The following ZNF676 variants were observed in gnomAD, a reference collection of about 807,000 sequenced individuals.
ZNF676 encodes the protein zinc finger protein 676.
ZNF676 carries 4 observed loss-of-function variants against 6.0 expected under a neutral mutation model. The observed-to-expected ratio is 0.67, with a 90% CI of 0.33 to 1.53. ZNF676 has a LOEUF of 1.53. ZNF676 is among the 40% of genes most tolerant of loss of function. The probability of loss-of-function intolerance (pLI) is 0.06; values close to 1 mark genes in which losing one functional copy is unlikely to be tolerated. For missense variants in ZNF676, 644 were observed against 679.7 expected, an observed-to-expected ratio of 0.95 and a Z score of 0.58; for synonymous variants, 198 against 223.1, an observed-to-expected ratio of 0.89 and a Z score of 1.00.
chr19:22,241,477 AC>A, the ZNF676 span, among the ~76,000 whole-genome samples: 1 of 151,826 alleles, frequency 6.6e-6, no homozygotes, highest in Non-Finnish European at 1.5e-5. Flanking sequence ...TAATTCTTCA[AC>A]TTCCCACTGC....
upstream of ZNF676, among the ~76,000 whole-genome samples, chr19:22,199,532 C>T (rs150767846): frequency 4.1e-3 from 621 of 152,316 alleles, 5 homozygotes; most frequent in African/African-American, 0.014. Context: ...ATCCTAATAA[C>T]ACCCTTTCAG....
intron 1 of ZNF676, among the ~76,000 whole-genome samples, chr19:22,207,079 G>C (rs1228283569): frequency 1.3e-5 from 2 of 152,052 alleles, no homozygotes; most frequent in African/African-American, 4.8e-5. Flanking sequence ...ACATAAAATT[G>C]GCAGTCTTAG....
chr19:22,185,921 T>C (rs1404303090), intron 2 of ZNF676, among the ~76,000 whole-genome samples: 2 of 151,890 alleles, frequency 1.3e-5, no homozygotes, highest in African/African-American at 4.8e-5. Context: ...TACCTGAAAG[T>C]GATGGGGAGA....
intron 2 of ZNF676, among the ~76,000 whole-genome samples, chr19:22,182,585 T>TAAAA: frequency 2.2e-5 from 1 of 45,034 alleles, no homozygotes; most frequent in Non-Finnish European, 3.8e-5. Context: ...GTCAAAGTTC[T>TAAAA]AAAAAAAAAA....
At chr19:22,238,215 C>G in the ZNF676 span, among the ~76,000 whole-genome samples, 3 of 152,072 alleles carry the variant, frequency 2.0e-5, no homozygotes, top group Non-Finnish European at 4.4e-5. Context: ...ACACACCCGG[C>G]TAATTTTTGT....
chr19:22,254,048 A>T, the ZNF676 span, among the ~76,000 whole-genome samples: 2 of 152,326 alleles, frequency 1.3e-5, no homozygotes, highest in Admixed American at 6.5e-5. Context: ...GACAAAATAT[A>T]TGTCACAATT....
the ZNF676 span, among the ~76,000 whole-genome samples, chr19:22,258,580 C>G: frequency 6.6e-6 from 1 of 152,114 alleles, no homozygotes; most frequent in African/African-American, 2.4e-5. Flanking sequence ...CACAGCGATA[C>G]GTCAGAATGC....
chr19:22,254,041 A>G, the ZNF676 span, among the ~76,000 whole-genome samples: 1 of 152,176 alleles, frequency 6.6e-6, no homozygotes, highest in Non-Finnish European at 1.5e-5. Flanking sequence ...TGAGCTGGAC[A>G]AAATATATGT....
the ZNF676 span, among the ~76,000 whole-genome samples, chr19:22,255,861 A>C: frequency 1.7e-5 from 2 of 115,252 alleles, no homozygotes; most frequent in African/African-American, 1.2e-4. Flanking sequence ...ACTCCATCTC[A>C]AAAAAAAAAA....
the ZNF676 span, among the ~76,000 whole-genome samples, chr19:22,241,914 G>GT: frequency 1.3e-5 from 2 of 151,804 alleles, no homozygotes; most frequent in Non-Finnish European, 2.9e-5. Context: ...CTGTGTCCTT[G>GT]TGTGAATGCA....
At chr19:22,183,600 A>G (rs1190443564) in intron 2 of ZNF676, among the ~76,000 whole-genome samples, 1 of 152,218 alleles carries the variant, frequency 6.6e-6, no homozygotes, top group East Asian at 1.9e-4. Flanking sequence ...TTGGCCACCT[A>G]AAGTGCTAGG....
At chr19:22,244,534 A>G in the ZNF676 span, 54,265 of 152,032 alleles carry the variant, frequency 0.36, 9,778 homozygotes, top group South Asian at 0.41. Context: ...CAGAAGAGTC[A>G]CATCACCTGG....
the ZNF676 span, among the ~76,000 whole-genome samples, chr19:22,247,657 T>C: frequency 2.6e-5 from 4 of 152,040 alleles, no homozygotes; most frequent in Admixed American, 1.3e-4. Context: ...CGGTGGCTCA[T>C]GCCTGTAATC....
At chr19:22,208,501 C>T (rs2024097839) in intron 1 of ZNF676, among the ~76,000 whole-genome samples, 1 of 152,182 alleles carries the variant, frequency 6.6e-6, no homozygotes, top group South Asian at 2.1e-4. Context: ...TACCATTTGA[C>T]CCAGTAACCT....
At chr19:22,240,790 T>C in the ZNF676 span, among the ~76,000 whole-genome samples, 6 of 151,602 alleles carry the variant, frequency 4.0e-5, no homozygotes, top group Non-Finnish European at 8.8e-5. Context: ...AGACTCCATC[T>C]CAAAAAAAGA....
At chr19:22,224,601 T>C in the ZNF676 span, among the ~76,000 whole-genome samples, 117 of 152,324 alleles carry the variant, frequency 7.7e-4, 1 homozygote, top group African/African-American at 2.7e-3. Flanking sequence ...TGAAGGTAAT[T>C]CTAGAAAAGA....
chr19:22,215,802 C>CA (rs570410008), upstream of ZNF676: 104 of 688,790 alleles, frequency 1.5e-4, no homozygotes, highest in Non-Finnish European at 2.0e-4. Flanking sequence ...ACCTGTCCCC[C>CA]CCCCCAGCTG....
chr19:22,254,631 A>T, the ZNF676 span, among the ~76,000 whole-genome samples: 54 of 152,328 alleles, frequency 3.5e-4, no homozygotes, highest in East Asian at 8.1e-3. Flanking sequence ...CAGATATGTT[A>T]TAATACCTCT....
chr19:22,193,758 A>G (rs1240562800), intron 1 of ZNF676, among the ~76,000 whole-genome samples: 3 of 152,102 alleles, frequency 2.0e-5, no homozygotes, highest in African/African-American at 7.2e-5. Context: ...TGCTTTTCCT[A>G]TTACTGTGAG....
Sources: gnomAD v4.1 joint callset for allele counts (sites outside exome capture counted in the v4.1 genomes callset) on GRCh38, gnomAD v4.1.1 for gene constraint, MANE v1.5 for transcripts, NCBI Gene and HGNC (gene_info 2026-07-23, HGNC 2026-07-21) for gene names.